The following ARHGEF38 variants were observed in gnomAD, a reference collection of about 807,000 sequenced individuals.
ARHGEF38 encodes Rho guanine nucleotide exchange factor 38.
Under a neutral mutation model 79.9 loss-of-function variants are expected in ARHGEF38, and 79 were observed. The observed-to-expected ratio is 0.99, with a 90% CI of 0.82 to 1.19. ARHGEF38 has a LOEUF of 1.19. ARHGEF38 is among the 50% of genes most tolerant of loss of function. The pLI, the probability that ARHGEF38 is intolerant of heterozygous loss-of-function variation, is 0.00. For synonymous variants in ARHGEF38, 366 were observed against 328.3 expected (o/e 1.11, Z -1.24); for missense variants, 962 against 907.2 (o/e 1.06, Z -0.78).
intron 13 of ARHGEF38, among the ~76,000 whole-genome samples, chr4:105,676,685 G>A (rs1731128282): frequency 6.6e-6 from 1 of 151,868 alleles, no homozygotes; most frequent in Non-Finnish European, 1.5e-5. Context: ...TGAGGTCAGA[G>A]AAAAATTCTT....
At chr4:105,609,736 C>T (rs1200994134) in intron 2 of ARHGEF38, among the ~76,000 whole-genome samples, 1 of 152,008 alleles carries the variant, frequency 6.6e-6, no homozygotes, top group African/African-American at 2.4e-5. Flanking sequence ...TGGGAACTGG[C>T]TATTTGAAGT....
intron 2 of ARHGEF38, among the ~76,000 whole-genome samples, chr4:105,592,566 C>A (rs1368603269): frequency 2.6e-5 from 4 of 152,126 alleles, no homozygotes; most frequent in African/African-American, 4.8e-5. Flanking sequence ...CCATTTACTT[C>A]CCTGCAACAA....
At chr4:105,660,580 C>G (rs922414867) in intron 10 of ARHGEF38, among the ~76,000 whole-genome samples, 1 of 152,064 alleles carries the variant, frequency 6.6e-6, no homozygotes, top group African/African-American at 2.4e-5. Flanking sequence ...GCTGGGATTA[C>G]AGGCATGTGC....
chr4:105,565,197 C>T (rs1725827951), intron 1 of ARHGEF38, among the ~76,000 whole-genome samples: 1 of 152,126 alleles, frequency 6.6e-6, no homozygotes, highest in African/African-American at 2.4e-5. Flanking sequence ...AAAATATTCC[C>T]AGCCCCAGTA....
intron 1 of ARHGEF38, among the ~76,000 whole-genome samples, chr4:105,585,889 A>T (rs571869869): frequency 6.6e-6 from 1 of 151,460 alleles, no homozygotes; most frequent in Non-Finnish European, 1.5e-5. Context: ...GTGCCACCAC[A>T]CCCGGCTAAT....
chr4:105,674,760 G>T (rs1731062782), intron 13 of ARHGEF38, among the ~76,000 whole-genome samples: 1 of 151,874 alleles, frequency 6.6e-6, no homozygotes, highest in Non-Finnish European at 1.5e-5. Context: ...AATTTCATGA[G>T]AATATATTTT....
intron 1 of ARHGEF38, 27 bp downstream of exon 1, chr4:105,552,988 A>T: frequency 6.4e-7 from 1 of 1,562,676 alleles, no homozygotes; most frequent in Non-Finnish European, 8.7e-7. Flanking sequence ...CAATTGTCCC[A>T]GTTACTGCAC....
intron 1 of ARHGEF38, among the ~76,000 whole-genome samples, chr4:105,578,341 T>C (rs781377792): frequency 1.3e-5 from 2 of 152,178 alleles, no homozygotes; most frequent in African/African-American, 2.4e-5. Flanking sequence ...TTGTGGCCTA[T>C]TGTATGGTCT....
intron 10 of ARHGEF38, among the ~76,000 whole-genome samples, chr4:105,665,724 C>G (rs1220176506): frequency 6.6e-6 from 1 of 152,208 alleles, no homozygotes; most frequent in East Asian, 1.9e-4. Flanking sequence ...GCATGAGCCA[C>G]TATGCCAGAC....
chr4:105,574,751 G>A (rs1364188616), intron 1 of ARHGEF38, among the ~76,000 whole-genome samples: 1 of 151,738 alleles, frequency 6.6e-6, no homozygotes, highest in Non-Finnish European at 1.5e-5. Context: ...TAGCTTTTGG[G>A]GTACAAGTCT....
chr4:105,598,112 C>G (rs1727663285), intron 2 of ARHGEF38, among the ~76,000 whole-genome samples: 1 of 152,034 alleles, frequency 6.6e-6, no homozygotes. Context: ...ATGTATAAAA[C>G]AACCTCCTAT....
chr4:105,638,800 C>T (rs1729503735), intron 5 of ARHGEF38, among the ~76,000 whole-genome samples: 1 of 152,056 alleles, frequency 6.6e-6, no homozygotes, highest in Non-Finnish European at 1.5e-5. Context: ...TTGTTTTATA[C>T]TTGCATAATA....
intron 13 of ARHGEF38, among the ~76,000 whole-genome samples, chr4:105,672,653 T>G (rs1222837841): frequency 6.6e-6 from 1 of 152,178 alleles, no homozygotes; most frequent in Non-Finnish European, 1.5e-5. Flanking sequence ...AACATATTTC[T>G]CAGGGGCTGT....
intron 1 of ARHGEF38, among the ~76,000 whole-genome samples, chr4:105,558,783 T>C (rs1300457259): frequency 1.3e-5 from 2 of 151,784 alleles, no homozygotes; most frequent in African/African-American, 2.4e-5. Context: ...GGTATAACTT[T>C]CTTAAAAGTA....
At chr4:105,595,952 G>A (rs1047199243) in intron 2 of ARHGEF38, among the ~76,000 whole-genome samples, 10 of 152,094 alleles carry the variant, frequency 6.6e-5, no homozygotes, top group African/African-American at 2.4e-4. Flanking sequence ...ATTTTCCCCT[G>A]ATGACAACTA....
intron 1 of ARHGEF38, among the ~76,000 whole-genome samples, chr4:105,587,345 C>T (rs751311657): frequency 6.6e-6 from 1 of 152,140 alleles, no homozygotes; most frequent in Non-Finnish European, 1.5e-5. Context: ...AGCAAGCACC[C>T]CCAAATTCTC....
At chr4:105,660,020 C>T (rs1361895885) in intron 10 of ARHGEF38, among the ~76,000 whole-genome samples, 1 of 152,160 alleles carries the variant, frequency 6.6e-6, no homozygotes, top group African/African-American at 2.4e-5. Flanking sequence ...CACTAGTTCT[C>T]ATCTGAATGA....
chr4:105,565,806 T>C (rs1725859358), intron 1 of ARHGEF38, among the ~76,000 whole-genome samples: 1 of 152,192 alleles, frequency 6.6e-6, no homozygotes. Flanking sequence ...AATGGCACCA[T>C]GACCCAGTTA....
At chr4:105,606,776 G>A (rs1029550731) in intron 2 of ARHGEF38, among the ~76,000 whole-genome samples, 3 of 152,096 alleles carry the variant, frequency 2.0e-5, no homozygotes, top group African/African-American at 7.2e-5. Flanking sequence ...TAAACTATTT[G>A]AAGTATATAA....
Sources: gnomAD v4.1 joint callset for allele counts (sites outside exome capture counted in the v4.1 genomes callset) on GRCh38, gnomAD v4.1.1 for gene constraint, MANE v1.5 for transcripts, NCBI Gene and HGNC (gene_info 2026-07-23, HGNC 2026-07-21) for gene names.